Variants in SLC44A5 observed in about 807,000 individuals in gnomAD.
SLC44A5 encodes the protein choline transporter-like protein 5.
SLC44A5 carries 57 observed loss-of-function variants against 101.8 expected under a neutral mutation model. The observed-to-expected ratio is 0.56, with a 90% CI of 0.45 to 0.70. The LOEUF (loss-of-function observed/expected upper bound fraction) is 0.70, where lower values mean the gene tolerates loss of function less well. SLC44A5 is among the 30% of genes least tolerant of loss of function. The probability of loss-of-function intolerance (pLI) is 0.00; values close to 1 mark genes in which losing one functional copy is unlikely to be tolerated. For synonymous variants in SLC44A5, 281 were observed against 290.9 expected, an observed-to-expected ratio of 0.97 and a Z score of 0.35; for missense variants, 737 against 853.1, an observed-to-expected ratio of 0.86 and a Z score of 1.70.
intron 5 of SLC44A5, among the ~76,000 whole-genome samples, chr1:75,280,413 A>AT: frequency 1.8e-5 from 2 of 108,388 alleles, no homozygotes; most frequent in African/African-American, 7.9e-5. Flanking sequence ...TATTGTATAT[A>AT]TAATATATAT....
At chr1:75,584,671 C>T (rs1673894934) in intron 1 of SLC44A5, among the ~76,000 whole-genome samples, 5 of 152,078 alleles carry the variant, frequency 3.3e-5, no homozygotes, top group Admixed American at 3.3e-4. Flanking sequence ...CAGTTCACTG[C>T]AAGTTCAAGC....
chr1:75,674,410 G>A, the SLC44A5 span, among the ~76,000 whole-genome samples: 1 of 151,506 alleles, frequency 6.6e-6, no homozygotes, highest in Non-Finnish European at 1.5e-5. Context: ...ATGAAATTTT[G>A]CTCTTGTCGC....
At chr1:75,297,165 A>G (rs1328253986) in intron 5 of SLC44A5, among the ~76,000 whole-genome samples, 2 of 152,260 alleles carry the variant, frequency 1.3e-5, no homozygotes, top group East Asian at 3.8e-4. Flanking sequence ...AAAGGTTAAA[A>G]AAAGCAAAAC....
chr1:75,235,270 C>A lies in SLC44A5; in HGVS notation c.741-1172G>T, dbSNP rs150509012. Among the ~76,000 whole-genome samples, 8 of 151,934 alleles carry A rather than the reference C, an allele frequency of 5.3e-5. No homozygotes were observed. The East Asian group carries it at 1.5e-3, about 29-fold the overall frequency. ...AAACAAAAAATACAGCTATTTTAAG[C>A]GTATCAATACTTTAGATTTATATTT... is the stretch of plus-strand genomic sequence containing the variant. On this transcript the variant is annotated intron_variant, in intron 11 of 23. Coordinates refer to ENST00000370859, the MANE Select transcript of SLC44A5 (RefSeq NM_001130058.2).
chr1:75,203,757 CT>C lies in SLC44A5; in HGVS notation c.2123del (p.Gln708ArgfsTer78). On this transcript the variant is annotated frameshift_variant, in exon 24 of 24. Coordinates refer to ENST00000370859, the MANE Select transcript of SLC44A5 (RefSeq NM_001130058.2). LOFTEE classifies it low-confidence loss of function (END_TRUNC). Reference protein sequence around the residue: ...YVSQPLLKIFQEENPQTRKQ With the variant: ...YVSQPLLKIFXEENPQTRKQ ...GCTTCCTAGTTTGTGGATTTTCCTC[CT>C]GGAAAATCTTCAGCAAAGGTTGACT... The C allele has an allele frequency of 6.5e-7, 1 of 1,549,212 alleles. No homozygotes were observed. Among genetic ancestry groups the C allele is most frequent in the Non-Finnish European group, 8.7e-7 (1 of 1,145,900 alleles).
chr1:75,479,566 G>T (rs1667687445), intron 2 of SLC44A5, among the ~76,000 whole-genome samples: 1 of 152,174 alleles, frequency 6.6e-6, no homozygotes, highest in African/African-American at 2.4e-5. Flanking sequence ...TGATAAAGGG[G>T]ATATCACCAC....
chr1:75,636,805 T>G, the SLC44A5 span, among the ~76,000 whole-genome samples: 4 of 152,186 alleles, frequency 2.6e-5, no homozygotes, highest in South Asian at 8.3e-4. Flanking sequence ...TAAAGAATAC[T>G]TTCTGAAACA....
chr1:75,426,576 C>T (rs530238902), intron 2 of SLC44A5, among the ~76,000 whole-genome samples: 46 of 152,314 alleles, frequency 3.0e-4, no homozygotes, highest in African/African-American at 1.1e-3. Context: ...GAACATTTGT[C>T]TTCCTAAAAA....
chr1:75,368,212 T>C (rs1269634090), intron 3 of SLC44A5, among the ~76,000 whole-genome samples: 1 of 152,216 alleles, frequency 6.6e-6, no homozygotes, highest in Non-Finnish European at 1.5e-5. Context: ...TACAAGATGA[T>C]CTGATCAATC....
chr1:75,507,053 G>A (rs1669301008), intron 2 of SLC44A5, among the ~76,000 whole-genome samples: 1 of 151,292 alleles, frequency 6.6e-6, no homozygotes, highest in Non-Finnish European at 1.5e-5. Flanking sequence ...GGAACCACAG[G>A]CACAATGCCC....
intron 2 of SLC44A5, among the ~76,000 whole-genome samples, chr1:75,529,191 C>G (rs1670588743): frequency 6.6e-6 from 1 of 152,126 alleles, no homozygotes; most frequent in Admixed American, 6.6e-5. Flanking sequence ...TTTAGTAACC[C>G]AAGGTCTAAT....
chr1:75,603,753 G>GTGTTT (rs1675140202), intron 1 of SLC44A5, among the ~76,000 whole-genome samples: 1 of 54,086 alleles, frequency 1.8e-5, no homozygotes, highest in Non-Finnish European at 3.1e-5. Context: ...ATTTTTTCAT[G>GTGTTT]TTTTTTTTTT....
intron 2 of SLC44A5, among the ~76,000 whole-genome samples, chr1:75,457,469 C>T (rs951313649): frequency 2.0e-5 from 3 of 152,164 alleles, no homozygotes; most frequent in African/African-American, 7.2e-5. Context: ...ACTAACCCCA[C>T]AGAGAAACAG....
At chr1:75,621,051 T>C in the SLC44A5 span, among the ~76,000 whole-genome samples, 2 of 152,162 alleles carry the variant, frequency 1.3e-5, no homozygotes, top group East Asian at 1.9e-4. Context: ...TTTCTGTATA[T>C]GGATAGAATT....
chr1:75,530,149 C>A (rs999428763), intron 2 of SLC44A5, among the ~76,000 whole-genome samples: 1 of 151,902 alleles, frequency 6.6e-6, no homozygotes, highest in Non-Finnish European at 1.5e-5. Context: ...TTTGGAGGAA[C>A]AAATTCAAAG....
chr1:75,350,893 CAAAA>C (rs11292382), intron 3 of SLC44A5, among the ~76,000 whole-genome samples: 5 of 79,896 alleles, frequency 6.3e-5, no homozygotes, highest in African/African-American at 9.0e-5. Context: ...GACTCCATCT[CAAAA>C]AAAAAAAAAA....
intron 1 of SLC44A5, among the ~76,000 whole-genome samples, chr1:75,569,983 T>C (rs1000861907): frequency 2.6e-5 from 4 of 152,198 alleles, no homozygotes; most frequent in Admixed American, 2.0e-4. Flanking sequence ...TTAATTCAGC[T>C]AAGCAACTCG....
intron 3 of SLC44A5, among the ~76,000 whole-genome samples, chr1:75,376,188 G>A (rs372933098): frequency 2.4e-4 from 36 of 152,314 alleles, no homozygotes; most frequent in East Asian, 2.3e-3. Context: ...AGGGTCCTAC[G>A]CCCATGGAGT....
intron 4 of SLC44A5, among the ~76,000 whole-genome samples, chr1:75,304,568 G>C (rs1353229899): frequency 6.6e-6 from 1 of 152,084 alleles, no homozygotes; most frequent in Non-Finnish European, 1.5e-5. Flanking sequence ...TTTGATTTCA[G>C]AGCATCTGTC....
Sources: allele counts gnomAD v4.1 joint callset (sites outside exome capture counted in the v4.1 genomes callset), GRCh38; gene constraint gnomAD v4.1.1; transcripts MANE v1.5; gene names NCBI Gene and HGNC (gene_info 2026-07-23, HGNC 2026-07-21).